Variants in FBXL17 observed in about 807,000 individuals in gnomAD.
FBXL17 encodes F-box/LRR-repeat protein 17.
A neutral mutation model predicts 66.2 loss-of-function variants in FBXL17; 22 were observed. The ratio of observed to expected loss-of-function variants is 0.33; its 90% confidence interval spans 0.24 to 0.47. FBXL17 has a LOEUF of 0.47. FBXL17 is among the 20% of genes least tolerant of loss of function. The pLI, the probability that FBXL17 is intolerant of heterozygous loss-of-function variation, is 1.00. For synonymous variants in FBXL17, 474 were observed against 400.5 expected (o/e 1.18, Z -2.19); for missense variants, 878 against 948.2 (o/e 0.93, Z 0.97).
intron 7 of FBXL17, among the ~76,000 whole-genome samples, chr5:107,942,990 G>T (rs1751163993): frequency 1.3e-5 from 2 of 152,056 alleles, no homozygotes; most frequent in African/African-American, 4.8e-5. Context: ...TGACCTTTTG[G>T]TAGCAGCTGG....
intron 7 of FBXL17, 47 bp from the exon 8 acceptor site, chr5:107,881,226 G>C: frequency 8.5e-7 from 1 of 1,179,542 alleles, no homozygotes; most frequent in Non-Finnish European, 1.2e-6. Context: ...CAGTGTAAGG[G>C]AGCTCTATCT....
intron 6 of FBXL17, among the ~76,000 whole-genome samples, chr5:108,125,689 G>C (rs753932524): frequency 6.6e-5 from 10 of 151,858 alleles, no homozygotes; most frequent in Admixed American, 2.6e-4. Context: ...TAGTAATTTG[G>C]GTTGATATTT....
At chr5:107,969,815 T>C (rs1236233508) in intron 7 of FBXL17, among the ~76,000 whole-genome samples, 2 of 152,144 alleles carry the variant, frequency 1.3e-5, no homozygotes, top group Non-Finnish European at 1.5e-5. Context: ...ATTTGAACAG[T>C]ATAATGTGGA....
intron 6 of FBXL17, among the ~76,000 whole-genome samples, chr5:108,102,093 A>G (rs1440635383): frequency 6.6e-6 from 1 of 152,156 alleles, no homozygotes; most frequent in African/African-American, 2.4e-5. Flanking sequence ...ACTCTGCCCC[A>G]AGAAAGAAGG....
chr5:108,371,447 T>C (rs565729620), intron 1 of FBXL17, among the ~76,000 whole-genome samples: 1 of 152,192 alleles, frequency 6.6e-6, no homozygotes, highest in Admixed American at 6.5e-5. Context: ...TAAATGAATG[T>C]ATACAACTAT....
intron 6 of FBXL17, among the ~76,000 whole-genome samples, chr5:108,056,665 C>T (rs148882276): frequency 2.0e-5 from 3 of 152,290 alleles, no homozygotes; most frequent in African/African-American, 2.4e-5. Context: ...TATAGAAGTT[C>T]ATATACTCTA....
At chr5:108,039,161 A>C (rs1187287158) in intron 6 of FBXL17, among the ~76,000 whole-genome samples, 6 of 152,086 alleles carry the variant, frequency 3.9e-5, no homozygotes, top group African/African-American at 1.4e-4. Flanking sequence ...AAGTTTTTAG[A>C]TCCCTTGTTG....
At chr5:107,938,330 C>T (rs2112585243) in intron 7 of FBXL17, among the ~76,000 whole-genome samples, 1 of 151,068 alleles carries the variant, frequency 6.6e-6, no homozygotes, top group South Asian at 2.1e-4. Context: ...GATCAACTTG[C>T]TTATCAGTAA....
intron 6 of FBXL17, among the ~76,000 whole-genome samples, chr5:108,069,848 C>T (rs561378523): frequency 2.0e-4 from 30 of 152,128 alleles, no homozygotes; most frequent in Non-Finnish European, 4.0e-4. Flanking sequence ...GTGCTGATAA[C>T]GGATTTTTTT....
intron 4 of FBXL17, among the ~76,000 whole-genome samples, chr5:108,296,495 T>A (rs997214194): frequency 6.6e-6 from 1 of 151,768 alleles, no homozygotes; most frequent in African/African-American, 2.4e-5. Context: ...AAGTACAACC[T>A]AAAATAAAAA....
chr5:108,113,004 C>G (rs1448409952), intron 6 of FBXL17, among the ~76,000 whole-genome samples: 1 of 152,098 alleles, frequency 6.6e-6, no homozygotes, highest in Admixed American at 6.6e-5. Context: ...ATCTATTCTA[C>G]CTCCATTTAC....
chr5:108,170,178 A>C (rs149997400), intron 6 of FBXL17, among the ~76,000 whole-genome samples: 2 of 152,302 alleles, frequency 1.3e-5, no homozygotes, highest in Non-Finnish European at 1.5e-5. Flanking sequence ...ATAGGAATTC[A>C]GTTTAAATTC....
chr5:108,170,565 A>G (rs534112767), intron 6 of FBXL17, among the ~76,000 whole-genome samples: 21 of 151,998 alleles, frequency 1.4e-4, no homozygotes, highest in Non-Finnish European at 2.9e-4. Flanking sequence ...CAAGAGTCTC[A>G]CTCTGTCGTC....
chr5:108,328,439 TGAAAATATATTCTTCTGATA>T (rs1356722759), intron 4 of FBXL17, among the ~76,000 whole-genome samples: 1 of 152,044 alleles, frequency 6.6e-6, no homozygotes, highest in Non-Finnish European at 1.5e-5. Flanking sequence ...CAGGAGAATA[TGAAAATATATTCTTCTGATA>T]GAAAACCATC....
intron 4 of FBXL17, among the ~76,000 whole-genome samples, chr5:108,239,445 C>A (rs1042884260): frequency 5.3e-5 from 8 of 152,180 alleles, no homozygotes; most frequent in African/African-American, 1.9e-4. Flanking sequence ...GAACTCAGTG[C>A]TTCCCTGTCA....
chr5:108,161,465 G>A (rs1418535171), intron 6 of FBXL17, among the ~76,000 whole-genome samples: 1 of 148,710 alleles, frequency 6.7e-6, no homozygotes, highest in Non-Finnish European at 1.5e-5. Flanking sequence ...CAGCCTGGGC[G>A]ACAGCGGAAG....
chr5:108,323,028 C>G (rs186087047), intron 4 of FBXL17, among the ~76,000 whole-genome samples: 1 of 151,974 alleles, frequency 6.6e-6, no homozygotes, highest in South Asian at 2.1e-4. Flanking sequence ...AAAGCTTTAC[C>G]TCTAATAACA....
chr5:108,297,223 A>C (rs1758384040), intron 4 of FBXL17, among the ~76,000 whole-genome samples: 1 of 151,684 alleles, frequency 6.6e-6, no homozygotes, highest in Non-Finnish European at 1.5e-5. Flanking sequence ...CAAAGTTAGA[A>C]ACTTAAACAG....
At chr5:107,967,838 C>T (rs1752212656) in intron 7 of FBXL17, among the ~76,000 whole-genome samples, 1 of 151,968 alleles carries the variant, frequency 6.6e-6, no homozygotes, top group African/African-American at 2.4e-5. Context: ...GTTACAAATA[C>T]TAACTTCCTA....
Sources: gnomAD v4.1 joint callset for allele counts (sites outside exome capture counted in the v4.1 genomes callset) on GRCh38, gnomAD v4.1.1 for gene constraint, MANE v1.5 for transcripts, NCBI Gene and HGNC (gene_info 2026-07-23, HGNC 2026-07-21) for gene names.